The following KAT6A variants were observed in gnomAD, a reference collection of about 807,000 sequenced individuals.
The protein encoded by KAT6A is lysine acetyltransferase 6A.
Under a neutral mutation model 198.4 loss-of-function variants are expected in KAT6A, and 9 were observed. The observed-to-expected ratio is 0.05, with a 90% CI of 0.03 to 0.08. The LOEUF (loss-of-function observed/expected upper bound fraction) is 0.08. Among genes scored for constraint, KAT6A ranks in the 10% least tolerant of loss-of-function variants. The pLI is 1.00. For missense variants in KAT6A, 2,077 were observed against 2,509.9 expected, an observed-to-expected ratio of 0.83 and a Z score of 3.69; for synonymous variants, 890 against 883.0, an observed-to-expected ratio of 1.01 and a Z score of -0.14.
intron 2 of KAT6A, among the ~76,000 whole-genome samples, chr8:42,029,380 T>A (rs1174555622): frequency 6.6e-6 from 1 of 152,132 alleles, no homozygotes; most frequent in Non-Finnish European, 1.5e-5. Flanking sequence ...CCTTTGCCCC[T>A]CTATTCTTCT....
At chr8:41,991,386 T>C (rs1002055998) in intron 2 of KAT6A, among the ~76,000 whole-genome samples, 1 of 152,100 alleles carries the variant, frequency 6.6e-6, no homozygotes, top group Admixed American at 6.5e-5. Flanking sequence ...AAAGAATACA[T>C]CCTGTACATT....
At chr8:42,039,217 T>G (rs1009116408) in intron 2 of KAT6A, among the ~76,000 whole-genome samples, 5 of 152,032 alleles carry the variant, frequency 3.3e-5, no homozygotes, top group Non-Finnish European at 5.9e-5. Context: ...ACTCCACCCC[T>G]GAGTAGCCAA....
chr8:42,008,838 A>T (rs183561627), intron 2 of KAT6A, among the ~76,000 whole-genome samples: 2 of 152,322 alleles, frequency 1.3e-5, no homozygotes, highest in Admixed American at 1.3e-4. Context: ...AAATAGCTAC[A>T]TGCACCTAAT....
chr8:42,016,607 A>T (rs1826282087), intron 2 of KAT6A, among the ~76,000 whole-genome samples: 1 of 152,180 alleles, frequency 6.6e-6, no homozygotes, highest in African/African-American at 2.4e-5. Flanking sequence ...CCATAAAATA[A>T]GGGTCAAAGA....
At position 42,051,947 on chromosome 8, in the gene KAT6A, G is replaced by A. The variant is rs1802689667; in HGVS notation, c.-372C>T. 6.6e-6 allele frequency: 1 copy of A among 151,538 alleles called. No homozygotes were observed. The highest frequency in any genetic ancestry group is 1.5e-5 in the Non-Finnish European group (1 of 67,828). 9.4% of individuals were successfully genotyped at this position (151,538 alleles called of 1,614,324 possible). ...TCCCGGGGCCCCGGGCCGGACCGCG[G>A]AGATGCCCCAAACTGACACGGCCGC... On this transcript the variant is annotated 5_prime_UTR_variant, in exon 1 of 17. Transcript: ENST00000265713.
At chr8:41,980,795 A>C (rs201632424) in intron 5 of KAT6A, 51 bp downstream of exon 5, 1 of 1,241,998 alleles carries the variant, frequency 8.1e-7, no homozygotes, top group East Asian at 2.3e-5. Flanking sequence ...ATGTGCTTTC[A>C]CTAACATCCT....
chr8:41,935,710 C>T (rs180723928), intron 16 of KAT6A, among the ~76,000 whole-genome samples: 3 of 152,144 alleles, frequency 2.0e-5, no homozygotes, highest in East Asian at 1.9e-4. Flanking sequence ...AGTGGGGGCA[C>T]GGCTAAAAAG....
At chr8:42,038,273 A>C (rs1256159004) in intron 2 of KAT6A, among the ~76,000 whole-genome samples, 2 of 152,170 alleles carry the variant, frequency 1.3e-5, no homozygotes, top group African/African-American at 4.8e-5. Context: ...CCCTTCTAAT[A>C]TTTAGCCAAC....
At chr8:41,975,718 A>T (rs183036188) in intron 7 of KAT6A, among the ~76,000 whole-genome samples, 82 of 152,334 alleles carry the variant, frequency 5.4e-4, no homozygotes, top group Admixed American at 4.4e-3. Context: ...TTTATAATTC[A>T]TAAAGAAAAT....
rs57009251 is a variant in KAT6A at position 41,959,159 on chromosome 8, GAA to G, written c.1483-3750_1483-3749del. ...CTGGGTGACAGAGCCAGACTGTCTC[GAA>G]AAAAAAAAAAAAAAAAAAAGTTGGA... On this transcript the variant is annotated intron_variant, in intron 8 of 16. Transcript: ENST00000265713. 4.7e-3 allele frequency among the ~76,000 whole-genome samples: 392 copies of G among 82,838 alleles called. 1 individual carries two copies. Among genetic ancestry groups the G allele is most frequent in the African/African-American group, 0.015 (309 of 19,992 alleles). 54.3% of individuals were successfully genotyped at this position (82,838 alleles called of 152,430 possible).
rs1212203446 is a variant in KAT6A, at chr8:42,009,906, AAAAAAAAACAAAAAAAAAC to A, written c.601-22362_601-22344del. 1.4e-4 allele frequency among the ~76,000 whole-genome samples: 20 copies of A among 138,504 alleles called. 1 individual carries two copies. Among genetic ancestry groups the A allele is most frequent in the African/African-American group, 5.2e-4 (19 of 36,626 alleles). 90.9% of individuals were successfully genotyped at this position (138,504 alleles called of 152,430 possible). A position where few individuals can be genotyped will look rare whatever the true frequency, so the allele number is the denominator to read the frequency against. On this transcript the variant is annotated intron_variant, in intron 2 of 16. Coordinates refer to ENST00000265713, the MANE Select transcript of KAT6A (RefSeq NM_006766.5). ...CAAAGCCCTGTCTCAAAAAAAAAAA[AAAAAAAAACAAAAAAAAAC>A]AAAACCACAATCCTTTGTAAAAAGC...
At chr8:42,013,873 C>T (rs1254076144) in intron 2 of KAT6A, among the ~76,000 whole-genome samples, 2 of 152,076 alleles carry the variant, frequency 1.3e-5, no homozygotes, top group Admixed American at 6.6e-5. Context: ...TACAACAGAG[C>T]AGGGTTTGGC....
intron 9 of KAT6A, among the ~76,000 whole-genome samples, chr8:41,950,668 T>G (rs898596929): frequency 1.3e-5 from 2 of 152,186 alleles, no homozygotes; most frequent in African/African-American, 2.4e-5. Flanking sequence ...GTAAAAATGA[T>G]AGAGTAAAAA....
In KAT6A at chr8:41,932,105, A is replaced by G. The variant is rs1821576093; in HGVS notation, c.*100T>C. 1 of 1,114,118 alleles carries G rather than the reference A, an allele frequency of 9.0e-7. No individual in the cohort carries two copies. Among genetic ancestry groups the G allele is most frequent in the East Asian group, 3.0e-5 (1 of 33,856 alleles). 69.0% of individuals were successfully genotyped at this position (1,114,118 alleles called of 1,614,324 possible). A position where few individuals can be genotyped will look rare whatever the true frequency, so the allele number is the denominator to read the frequency against. On this transcript the variant is annotated 3_prime_UTR_variant, in exon 17 of 17. Transcript: ENST00000265713. ...GAAAAATTCCTCTAAATCTACAGCA[A>G]TATTTTAACTGGAAAAAGGTCCATT...
chr8:42,044,468 A>G (rs528303784), intron 2 of KAT6A, among the ~76,000 whole-genome samples: 17 of 152,260 alleles, frequency 1.1e-4, no homozygotes, highest in Middle Eastern at 3.4e-3. Flanking sequence ...AGAACACACT[A>G]AAGTTCCAAT....
At chr8:41,965,109 G>GGACT (rs1554686133) in intron 8 of KAT6A, among the ~76,000 whole-genome samples, 1 of 152,172 alleles carries the variant, frequency 6.6e-6, no homozygotes, top group Non-Finnish European at 1.5e-5. Context: ...TAAAGGTGTT[G>GGACT]TAAGACAGGC....
chr8:41,960,812 C>T (rs1823170002), intron 8 of KAT6A, among the ~76,000 whole-genome samples: 1 of 152,184 alleles, frequency 6.6e-6, no homozygotes. Context: ...TCCCCACACC[C>T]TCCTTTCTCT....
chr8:41,985,808 T>C (rs896386592), intron 3 of KAT6A, among the ~76,000 whole-genome samples: 7 of 152,214 alleles, frequency 4.6e-5, no homozygotes, highest in Non-Finnish European at 7.3e-5. Flanking sequence ...TTGAAGTATG[T>C]AGTGTGGTTT....
chr8:41,998,046 A>T (rs1215422978), intron 2 of KAT6A, among the ~76,000 whole-genome samples: 1 of 152,160 alleles, frequency 6.6e-6, no homozygotes, highest in Non-Finnish European at 1.5e-5. Context: ...AGGTTGTCAA[A>T]ATATAACCCA....
Sources: gnomAD v4.1 joint callset for allele counts (sites outside exome capture counted in the v4.1 genomes callset) on GRCh38, gnomAD v4.1.1 for gene constraint, MANE v1.5 for transcripts, NCBI Gene and HGNC (gene_info 2026-07-23, HGNC 2026-07-21) for gene names.